Variants in MCTP1 observed in about 807,000 individuals in gnomAD.
MCTP1 encodes multiple C2 and transmembrane domain-containing protein 1.
MCTP1 carries 69 observed loss-of-function variants against 120.6 expected under a neutral mutation model. The ratio of observed to expected loss-of-function variants is 0.57; its 90% CI spans 0.47 to 0.70. The LOEUF (loss-of-function observed/expected upper bound fraction) is 0.70. Ranked by LOEUF, MCTP1 falls within the 30% of genes least tolerant of loss-of-function variation. MCTP1 has a pLI of 0.00. For synonymous variants in MCTP1, 529 were observed against 493.1 expected (o/e 1.07, Z -0.96); for missense variants, 1,203 against 1,248.8 (o/e 0.96, Z 0.55).
intron 1 of MCTP1, among the ~76,000 whole-genome samples, chr5:95,270,452 G>A (rs1048488237): frequency 5.3e-5 from 8 of 152,196 alleles, no homozygotes; most frequent in African/African-American, 1.7e-4. Flanking sequence ...TGTTACATAT[G>A]TTTAGCTATT....
intron 1 of MCTP1, among the ~76,000 whole-genome samples, chr5:95,145,890 A>G (rs1423132499): frequency 2.0e-5 from 3 of 152,102 alleles, no homozygotes; most frequent in Non-Finnish European, 4.4e-5. Context: ...TATCAGGATG[A>G]TACTGGCTTC....
chr5:95,185,932 G>A (rs1458136954), intron 1 of MCTP1, among the ~76,000 whole-genome samples: 2 of 152,100 alleles, frequency 1.3e-5, no homozygotes, highest in African/African-American at 4.8e-5. Context: ...AGAGGTTGCA[G>A]TGACCCAAGA....
At chr5:95,099,355 AT>A (rs1382590441) in intron 1 of MCTP1, among the ~76,000 whole-genome samples, 1 of 151,052 alleles carries the variant, frequency 6.6e-6, no homozygotes, top group African/African-American at 2.4e-5. Flanking sequence ...ATGGGAGAAA[AT>A]TTTCGCAACC....
chr5:94,975,605 T>C (rs1053940384), intron 2 of MCTP1, among the ~76,000 whole-genome samples: 4 of 151,894 alleles, frequency 2.6e-5, no homozygotes, highest in Non-Finnish European at 5.9e-5. Context: ...CAAGCAAAGA[T>C]GGCATATCAT....
chr5:94,920,862 G>A (rs978012804), intron 7 of MCTP1, among the ~76,000 whole-genome samples: 1 of 151,870 alleles, frequency 6.6e-6, no homozygotes, highest in African/African-American at 2.4e-5. Context: ...TGACCGGAAG[G>A]CGGTACTCTG....
In MCTP1 at chr5:95,093,295, C is replaced by T. The variant is rs114117991; in HGVS notation, c.721-75811G>A. 5.7e-3 allele frequency among the ~76,000 whole-genome samples: 869 copies of T among 152,172 alleles called. 8 individuals are homozygous for T. Among genetic ancestry groups the T allele is most frequent in the African/African-American group, 0.02 (814 of 41,496 alleles). On this transcript the variant is annotated intron_variant, in intron 1 of 22. Transcript: ENST00000515393. ...ACAATTCCTAGCAGTAGGATTACACCCTAATGAAGAAACTGGCAACATGAA... is the reference window on the plus strand; with the variant it reads ...ACAATTCCTAGCAGTAGGATTACACTCTAATGAAGAAACTGGCAACATGAA...
At chr5:95,283,758 C>T in intron 1 of MCTP1, 98 bp downstream of exon 1, 1 of 959,514 alleles carries the variant, frequency 1.0e-6, no homozygotes, top group South Asian at 3.3e-5. Flanking sequence ...TCTCCTCCCG[C>T]CTCCCGGCCC....
Position 94,797,211 on chromosome 5 carries a change from A to C in MCTP1, c.2556+1802T>G, listed in dbSNP as rs189429229. On this transcript the variant is annotated intron_variant, in intron 18 of 22. Coordinates refer to ENST00000515393, the MANE Select transcript of MCTP1 (RefSeq NM_024717.7). ...AACCAAGCCAGGTATATTCTGGAGA[A>C]GATAACAAGCAAAGTCTACAGTTTC... Among the ~76,000 whole-genome samples, 24 of 152,336 alleles carry C rather than the reference A, an allele frequency of 1.6e-4. No individual in the cohort carries two copies. In the East Asian group the frequency reaches 4.4e-3, roughly 28 times the overall value.
chr5:94,786,945 A>G (rs1777856711), intron 18 of MCTP1, among the ~76,000 whole-genome samples: 1 of 152,178 alleles, frequency 6.6e-6, no homozygotes. Context: ...ATAAAATTTA[A>G]ATGCTTGATT....
intron 2 of MCTP1, among the ~76,000 whole-genome samples, chr5:94,972,945 A>C (rs995429290): frequency 4.6e-5 from 7 of 151,966 alleles, no homozygotes; most frequent in Admixed American, 1.3e-4. Context: ...CAAAAAAAAA[A>C]CCACTGGGTT....
At chr5:95,213,841 T>C (rs915733283) in intron 1 of MCTP1, among the ~76,000 whole-genome samples, 1 of 152,258 alleles carries the variant, frequency 6.6e-6, no homozygotes, top group Non-Finnish European at 1.5e-5. Flanking sequence ...ATCCCTTCCT[T>C]ACACCTTATA....
intron 10 of MCTP1, among the ~76,000 whole-genome samples, chr5:94,908,491 A>G (rs1459340930): frequency 6.6e-6 from 1 of 152,054 alleles, no homozygotes; most frequent in Non-Finnish European, 1.5e-5. Context: ...AAAGACTTGG[A>G]ATTTCATGTA....
chr5:94,980,597 T>G (rs1370667374), intron 2 of MCTP1, among the ~76,000 whole-genome samples: 1 of 152,182 alleles, frequency 6.6e-6, no homozygotes, highest in East Asian at 1.9e-4. Flanking sequence ...CTTCCTCATC[T>G]GAATCTTTAG....
chr5:95,010,950 G>C (rs1186248492), intron 2 of MCTP1, among the ~76,000 whole-genome samples: 5 of 152,100 alleles, frequency 3.3e-5, no homozygotes, highest in Non-Finnish European at 7.4e-5. Flanking sequence ...GAGTTTGCCT[G>C]ATGTTTTCTC....
intron 19 of MCTP1, among the ~76,000 whole-genome samples, chr5:94,747,553 T>C (rs1231446207): frequency 6.6e-6 from 1 of 152,122 alleles, no homozygotes; most frequent in African/African-American, 2.4e-5. Flanking sequence ...AGAAAACAAA[T>C]GGGTGTAGTT....
chr5:95,049,854 T>C (rs961035951), intron 1 of MCTP1, among the ~76,000 whole-genome samples: 14 of 152,178 alleles, frequency 9.2e-5, no homozygotes, highest in African/African-American at 2.2e-4. Flanking sequence ...CAGTCTAAAA[T>C]AGCTCCGTAT....
intron 1 of MCTP1, among the ~76,000 whole-genome samples, chr5:95,040,260 A>C (rs773719708): frequency 1.7e-4 from 26 of 152,212 alleles, no homozygotes; most frequent in Non-Finnish European, 3.5e-4. Context: ...ACATGGTGAA[A>C]CCCTGTCTCT....
At position 94,942,147 on chromosome 5, in the gene MCTP1, A is replaced by C. The variant is rs192925230; in HGVS notation, c.1061+201T>G. 2.5e-4 allele frequency among the ~76,000 whole-genome samples: 38 copies of C among 152,138 alleles called. No homozygotes were observed. The East Asian group carries it at 7.2e-3, about 29-fold the overall frequency. On this transcript the variant is annotated intron_variant, in intron 4 of 22. Transcript: ENST00000515393. The stretch of plus-strand genomic sequence containing the variant: ...AGGTATCCAAGAAGTTTTCGGTTGA[A>C]AAGTTGTTGAATGAGGTAGTCAGGG...
At chr5:95,022,955 C>G (rs1838488051) in intron 1 of MCTP1, among the ~76,000 whole-genome samples, 1 of 152,038 alleles carries the variant, frequency 6.6e-6, no homozygotes, top group Non-Finnish European at 1.5e-5. Flanking sequence ...GGAGCAGGGT[C>G]TGAAAATATG....
Sources: gnomAD v4.1 joint callset for allele counts (sites outside exome capture counted in the v4.1 genomes callset) on GRCh38, gnomAD v4.1.1 for gene constraint, MANE v1.5 for transcripts, NCBI Gene and HGNC (gene_info 2026-07-23, HGNC 2026-07-21) for gene names.